The following CDC42BPA variants were observed in gnomAD, a reference collection of about 807,000 sequenced individuals.
CDC42BPA encodes the protein CDC42 binding protein kinase alpha.
CDC42BPA carries 80 observed loss-of-function variants against 223.5 expected under a neutral mutation model. That is an observed-to-expected ratio of 0.36 (90% CI 0.30 to 0.43). The LOEUF is 0.43. Among genes scored for constraint, CDC42BPA ranks in the 20% least tolerant of loss-of-function variants. CDC42BPA has a pLI of 1.00. For missense variants in CDC42BPA, 1,743 were observed against 2,099.9 expected (o/e 0.83, Z 3.32); for synonymous variants, 694 against 718.6 (o/e 0.97, Z 0.55).
chr1:227,316,835 C>T (rs979435823), intron 1 of CDC42BPA, among the ~76,000 whole-genome samples, 170 bp downstream of exon 1: 1 of 152,170 alleles, frequency 6.6e-6, no homozygotes, highest in African/African-American at 2.4e-5. Flanking sequence ...CAATTCTACT[C>T]CTGGGAAAAT....
intron 27 of CDC42BPA, 103 bp downstream of exon 27, chr1:227,033,231 G>A: frequency 1.5e-6 from 1 of 677,552 alleles, no homozygotes; most frequent in Non-Finnish European, 2.6e-6. Context: ...AAGAATATAA[G>A]ATTTGGTTTT....
intron 2 of CDC42BPA, chr1:227,234,842 G>GCCCA (rs1678693309): frequency 6.6e-6 from 1 of 152,052 alleles, no homozygotes; most frequent in South Asian, 2.1e-4. Flanking sequence ...GCCGCATGTG[G>GCCCA]CCCAGAACGG....
intron 13 of CDC42BPA, 111 bp from the exon 14 acceptor site, chr1:227,112,533 A>G (rs147960288): frequency 1.7e-5 from 16 of 966,026 alleles, no homozygotes; most frequent in Non-Finnish European, 2.2e-5. Flanking sequence ...CAAATGTTTA[A>G]ATCCATATTA....
rs1272259551 is a variant in CDC42BPA at position 227,047,932 on chromosome 1, G to C, written c.3088C>G (p.Pro1030Ala). 6.3e-7 allele frequency: 1 copy of C among 1,598,628 alleles called. No homozygotes were observed. The highest frequency in any genetic ancestry group is 1.1e-5 in the South Asian group (1 of 90,620). ...CTTATAACTAGATTGAGTACCTTAG[G>C]TGGAAAGCCAGTTGAACCAGGACAT... ...KGCPGSTGFP[P>A]KRKTHQFFVK... The change falls in exon 23 of 37, where the codon CCT (proline) becomes GCT (alanine). Residue 1030 changes from proline (P) to alanine (A), a missense_variant. By Grantham distance (27) the Pro-to-Ala change is conservative. Transcript: ENST00000366766.
At chr1:227,216,707 G>C (rs1674918235) in intron 2 of CDC42BPA, among the ~76,000 whole-genome samples, 1 of 152,148 alleles carries the variant, frequency 6.6e-6, no homozygotes, top group South Asian at 2.1e-4. Flanking sequence ...AAGAACCACA[G>C]CTTAACATAT....
At chr1:227,083,444 T>C (rs1929854) in intron 16 of CDC42BPA, among the ~76,000 whole-genome samples, 1,807 of 152,284 alleles carry the variant, frequency 0.012, 37 homozygotes, top group African/African-American at 0.042. Context: ...ATGTCTACTT[T>C]CTTGAACAAA....
At chr1:227,026,372 T>C (rs1208081925) in intron 30 of CDC42BPA, among the ~76,000 whole-genome samples, 2 of 152,210 alleles carry the variant, frequency 1.3e-5, no homozygotes, top group Non-Finnish European at 2.9e-5. Flanking sequence ...GCCGTTATAA[T>C]ATAGACGGAT....
At chr1:227,230,942 T>A (rs1677807877) in intron 2 of CDC42BPA, among the ~76,000 whole-genome samples, 1 of 149,324 alleles carries the variant, frequency 6.7e-6, no homozygotes, top group Non-Finnish European at 1.5e-5. Context: ...TGCCTCAGCC[T>A]CCTGAGTAGC....
At chr1:227,048,436 AACATATATT>A (rs1449125089) in intron 22 of CDC42BPA, among the ~76,000 whole-genome samples, 4 of 152,042 alleles carry the variant, frequency 2.6e-5, no homozygotes, top group African/African-American at 9.7e-5. Context: ...TCATACATAG[AACATATATT>A]ACATATATAG....
In CDC42BPA at chr1:227,001,026, G is replaced by A. The variant is rs187246116; in HGVS notation, c.4975+3968C>T. ...TCCAGGAGGGTCTGGGAGGCTCCCA[G>A]TGAGCCCCTACTGCTGACAGGAGCG... On this transcript the variant is annotated intron_variant, in intron 35 of 36. Coordinates refer to ENST00000366766, the MANE Select transcript of CDC42BPA (RefSeq NM_001394014.1). 6.0e-3 allele frequency among the ~76,000 whole-genome samples: 913 copies of A among 152,302 alleles called. 10 individuals are homozygous for A. Among genetic ancestry groups the A allele is most frequent in the African/African-American group, 0.021 (859 of 41,578 alleles).
rs749933900 is a variant in CDC42BPA, at chr1:227,069,885, A to G, written c.2828-32T>C. 3.4e-6 allele frequency: 5 copies of G among 1,466,588 alleles called. No individual in the cohort carries two copies. In the South Asian group the frequency reaches 5.8e-5, roughly 17 times the overall value. The allele number at this position is 1,466,588 out of a possible 1,614,324, so 90.8% of individuals were successfully genotyped here. On this transcript the variant is annotated intron_variant, in intron 20 of 36. Transcript: ENST00000366766. ...GACAGCAGCAACTTTTTTTAAGGCT[A>G]CAACAATTAAAATTGATTTTAATGG...
intron 24 of CDC42BPA, among the ~76,000 whole-genome samples, chr1:227,036,531 G>A (rs968886949): frequency 6.9e-6 from 1 of 144,758 alleles, no homozygotes; most frequent in African/African-American, 2.6e-5. Context: ...CGGGGTTCAC[G>A]CCATTCTCCT....
intron 24 of CDC42BPA, among the ~76,000 whole-genome samples, chr1:227,038,344 A>G (rs531869645): frequency 6.6e-6 from 1 of 152,342 alleles, no homozygotes; most frequent in African/African-American, 2.4e-5. Context: ...TAAATTATGC[A>G]GTCTTGGGTA....
intron 27 of CDC42BPA, among the ~76,000 whole-genome samples, chr1:227,032,529 C>G (rs1325645932): frequency 6.6e-6 from 1 of 152,098 alleles, no homozygotes; most frequent in Non-Finnish European, 1.5e-5. Context: ...ACAAGTCCTC[C>G]TAAGGAATTC....
rs1195356896 is a variant in CDC42BPA at position 227,184,227 on chromosome 1, T to A, written c.599+9559A>T. 2.0e-5 allele frequency among the ~76,000 whole-genome samples: 3 copies of A among 151,932 alleles called. No homozygotes were observed. In the East Asian group the frequency reaches 5.8e-4, roughly 29 times the overall value. On this transcript the variant is annotated intron_variant, in intron 5 of 36. Transcript: ENST00000366766. ...AGTCCCATTTATTCATTTTTATTGA[T>A]TTTTTTTGTCATATCTAAAAACTCC...
In CDC42BPA at chr1:227,057,744, ATAGTT is replaced by A. The variant is rs1449317981; in HGVS notation, c.2905-5764_2905-5760del. Among the ~76,000 whole-genome samples, 3 of 152,224 alleles carry A rather than the reference ATAGTT, an allele frequency of 2.0e-5. No individual in the cohort carries two copies. In the East Asian group the frequency reaches 5.8e-4, roughly 29 times the overall value. ...ATAAGTCAATAGATTATGGTTAATT[ATAGTT>A]TATTCATATCTCATAGAATAAAGAC... On this transcript the variant is annotated intron_variant, in intron 21 of 36. Coordinates refer to ENST00000366766, the MANE Select transcript of CDC42BPA (RefSeq NM_001394014.1).
intron 5 of CDC42BPA, among the ~76,000 whole-genome samples, chr1:227,170,018 C>T (rs1377406799): frequency 6.6e-6 from 1 of 152,126 alleles, no homozygotes; most frequent in Non-Finnish European, 1.5e-5. Context: ...TCAATAATAT[C>T]TCTCACTCCA....
chr1:227,149,876 A>G (rs1487996872), intron 6 of CDC42BPA, among the ~76,000 whole-genome samples: 1 of 152,156 alleles, frequency 6.6e-6, no homozygotes, highest in African/African-American at 2.4e-5. Context: ...CAAAGCTTAA[A>G]TTTTTTCAAG....
chr1:227,311,075 G>A (rs918011016), intron 1 of CDC42BPA, among the ~76,000 whole-genome samples: 1 of 152,080 alleles, frequency 6.6e-6, no homozygotes, highest in Non-Finnish European at 1.5e-5. Context: ...AAAATCACAC[G>A]AAGTGCAGAT....
Sources: gnomAD v4.1 joint callset for allele counts (sites outside exome capture counted in the v4.1 genomes callset) on GRCh38, gnomAD v4.1.1 for gene constraint, MANE v1.5 for transcripts, NCBI Gene and HGNC (gene_info 2026-07-23, HGNC 2026-07-21) for gene names.